Variants in MRPS9 observed in about 807,000 individuals in gnomAD.
MRPS9 encodes small ribosomal subunit protein uS9m.
Under a neutral mutation model 59.9 loss-of-function variants are expected in MRPS9, and 45 were observed. That is an observed-to-expected ratio of 0.75 (90% CI 0.59 to 0.96). The LOEUF is 0.96. Ranked by LOEUF, MRPS9 falls within the 40% of genes least tolerant of loss-of-function variation. The pLI, the probability that MRPS9 is intolerant of heterozygous loss-of-function variation, is 0.00. For synonymous variants in MRPS9, 171 were observed against 166.8 expected (o/e 1.03, Z -0.19); for missense variants, 473 against 481.1 (o/e 0.98, Z 0.16).
intron 2 of MRPS9, among the ~76,000 whole-genome samples, chr2:105,057,223 A>C (rs17686139): frequency 6.6e-6 from 1 of 152,024 alleles, no homozygotes; most frequent in Non-Finnish European, 1.5e-5. Flanking sequence ...ACAGGAGGAA[A>C]AACGGGTAGC....
At chr2:105,097,760 G>T (rs189752976) in intron 10 of MRPS9, among the ~76,000 whole-genome samples, 1 of 152,300 alleles carries the variant, frequency 6.6e-6, no homozygotes, top group Non-Finnish European at 1.5e-5. Flanking sequence ...GAGTGCAGTG[G>T]TATTATCATA....
intron 4 of MRPS9, among the ~76,000 whole-genome samples, chr2:105,073,555 T>C (rs1230827658): frequency 6.6e-6 from 1 of 152,214 alleles, no homozygotes; most frequent in African/African-American, 2.4e-5. Flanking sequence ...GGATAGATTT[T>C]GACACTTATA....
At chr2:105,077,112 G>A (rs1009970797) in intron 4 of MRPS9, among the ~76,000 whole-genome samples, 1 of 152,070 alleles carries the variant, frequency 6.6e-6, no homozygotes, top group Non-Finnish European at 1.5e-5. Flanking sequence ...GGGCGTGGTG[G>A]CGCACGCCTG....
intron 7 of MRPS9, among the ~76,000 whole-genome samples, chr2:105,091,852 C>A (rs1680565187): frequency 6.6e-6 from 1 of 152,054 alleles, no homozygotes; most frequent in Non-Finnish European, 1.5e-5. Context: ...CCCTTTAAGT[C>A]AAGTATCTCT....
chr2:105,099,705 C>G lies in MRPS9; in HGVS notation c.1135C>G (p.Arg379Gly). The stretch of plus-strand genomic sequence containing the variant: ...TACTACTGATCCACGTGTGAGGGAA[C>G]GGAAGAAGCCAGGCCAAGAGGGAGC... ...LLTTDPRVRERKKPGQEGARR... is the reference protein window; with the variant it reads ...LLTTDPRVREGKKPGQEGARR... Residue 379 changes from arginine to glycine, a missense_variant, in exon 11 of 11, where the codon CGG becomes GGG. Coordinates refer to ENST00000258455, the MANE Select transcript of MRPS9 (RefSeq NM_182640.3). The G allele has an allele frequency of 6.2e-7, 1 of 1,614,012 alleles. No individual in the cohort carries two copies. Among genetic ancestry groups the G allele is most frequent in the Non-Finnish European group, 8.5e-7 (1 of 1,179,996 alleles).
At chr2:105,092,711 T>C in intron 8 of MRPS9, 142 bp downstream of exon 8, 1 of 832,580 alleles carries the variant, frequency 1.2e-6, no homozygotes, top group Non-Finnish European at 1.8e-6. Context: ...TCCTAATTTT[T>C]AAGATTCTGT....
chr2:105,072,721 T>C (rs1166398675), intron 4 of MRPS9, among the ~76,000 whole-genome samples: 1 of 152,220 alleles, frequency 6.6e-6, no homozygotes, highest in Non-Finnish European at 1.5e-5. Context: ...GATATTTCTA[T>C]AGAAGACTTA....
intron 2 of MRPS9, among the ~76,000 whole-genome samples, chr2:105,059,072 G>GTTT (rs58396321): frequency 2.9e-5 from 4 of 138,312 alleles, no homozygotes; most frequent in Non-Finnish European, 4.7e-5. Context: ...GTTCTGTGGG[G>GTTT]TTTTTTTTTT....
At chr2:105,066,012 T>C (rs1261648876) in intron 2 of MRPS9, among the ~76,000 whole-genome samples, 1 of 152,176 alleles carries the variant, frequency 6.6e-6, no homozygotes, top group Admixed American at 6.5e-5. Context: ...ATGGAAGTAA[T>C]AGGTTAGGTC....
chr2:105,096,482 G>T (rs1329577354), intron 9 of MRPS9, among the ~76,000 whole-genome samples: 1 of 152,112 alleles, frequency 6.6e-6, no homozygotes, highest in Non-Finnish European at 1.5e-5. Context: ...TGTTTTGTCT[G>T]TGGTGCCTGC....
At chr2:105,079,568 T>G (rs1316358053) in intron 4 of MRPS9, among the ~76,000 whole-genome samples, 1 of 152,228 alleles carries the variant, frequency 6.6e-6, no homozygotes, top group East Asian at 1.9e-4. Context: ...TTTGTTTACC[T>G]GTTTTAGATT....
intron 4 of MRPS9, among the ~76,000 whole-genome samples, chr2:105,075,182 A>T (rs1680185423): frequency 6.6e-6 from 1 of 152,152 alleles, no homozygotes; most frequent in Non-Finnish European, 1.5e-5. Context: ...ATCTGACAGG[A>T]TGTGGCACTC....
intron 2 of MRPS9, among the ~76,000 whole-genome samples, chr2:105,069,648 A>G (rs754064886): frequency 3.9e-5 from 6 of 152,040 alleles, no homozygotes; most frequent in Non-Finnish European, 7.4e-5. Flanking sequence ...TAGCCCTCTC[A>G]CTCATTTGGA....
chr2:105,086,404 C>A (rs1680446115), intron 5 of MRPS9, among the ~76,000 whole-genome samples: 1 of 151,894 alleles, frequency 6.6e-6, no homozygotes, highest in Non-Finnish European at 1.5e-5. Context: ...GATCTCAGTA[C>A]AACAGGAGGA....
At chr2:105,038,281 G>C in intron 1 of MRPS9, 54 bp downstream of exon 1, 2 of 1,575,944 alleles carry the variant, frequency 1.3e-6, no homozygotes, top group South Asian at 1.2e-5. Context: ...AGGATGTGGA[G>C]CCAGCGCGGA....
intron 2 of MRPS9, among the ~76,000 whole-genome samples, chr2:105,056,143 G>A (rs1573422154): frequency 6.7e-6 from 1 of 149,690 alleles, no homozygotes; most frequent in Non-Finnish European, 1.5e-5. Context: ...GGAGCCGGAT[G>A]TACATTGCCA....
intron 2 of MRPS9, among the ~76,000 whole-genome samples, chr2:105,066,333 T>A (rs573871455): frequency 2.6e-5 from 4 of 152,272 alleles, no homozygotes; most frequent in Admixed American, 2.0e-4. Context: ...CTGAGAAAAA[T>A]TTTTAAAGGC....
chr2:105,051,889 T>C (rs919382371), intron 2 of MRPS9, among the ~76,000 whole-genome samples: 4 of 152,222 alleles, frequency 2.6e-5, no homozygotes, highest in African/African-American at 9.6e-5. Context: ...ATTTTGAATC[T>C]ACATCCTTGC....
chr2:105,072,268 G>A (rs1680129063), intron 4 of MRPS9, among the ~76,000 whole-genome samples: 1 of 152,184 alleles, frequency 6.6e-6, no homozygotes, highest in African/African-American at 2.4e-5. Flanking sequence ...ATGTAACCAT[G>A]CTGCTGATGC....
Sources: gnomAD v4.1 joint callset for allele counts (sites outside exome capture counted in the v4.1 genomes callset) on GRCh38, gnomAD v4.1.1 for gene constraint, MANE v1.5 for transcripts, NCBI Gene and HGNC (gene_info 2026-07-23, HGNC 2026-07-21) for gene names.